SBNO2: variants seen among roughly 807,000 people sequenced by gnomAD.
SBNO2 encodes the protein protein strawberry notch homolog 2.
A neutral mutation model predicts 146.3 loss-of-function variants in SBNO2; 89 were observed. That is an observed-to-expected ratio of 0.61 (90% CI 0.51 to 0.73). The LOEUF is 0.73. Among genes scored for constraint, SBNO2 ranks in the 30% least tolerant of loss-of-function variants. SBNO2 has a pLI of 0.00. For synonymous variants in SBNO2, 1,147 were observed against 892.6 expected (o/e 1.29, Z -5.08); for missense variants, 2,092 against 2,003.7 (o/e 1.04, Z -0.84).
At chr19:1,171,668 G>A (rs2080479149) in intron 1 of SBNO2, among the ~76,000 whole-genome samples, 1 of 152,152 alleles carries the variant, frequency 6.6e-6, no homozygotes, top group South Asian at 2.1e-4. Context: ...CTGCCGGAGG[G>A]GCATCCGTGA....
chr19:1,165,556 G>C (rs923328133), intron 1 of SBNO2, among the ~76,000 whole-genome samples: 1 of 151,992 alleles, frequency 6.6e-6, no homozygotes, highest in South Asian at 2.1e-4. Context: ...CTTTTAGGAA[G>C]AAACCACATC....
In SBNO2 at chr19:1,144,537, CAGAGACAGAGACATGGAG is replaced by C. The variant is rs907881107; in HGVS notation, c.279+2754_279+2771del. Among the ~76,000 whole-genome samples, 1 of 151,872 alleles carries C rather than the reference CAGAGACAGAGACATGGAG, an allele frequency of 6.6e-6. No individual in the cohort carries two copies. The highest frequency in any genetic ancestry group is 2.4e-5 in the African/African-American group (1 of 41,330). ...CATGAGACAGAGATGGAGACGGAGA[CAGAGACAGAGACATGGAG>C]AGAGACAGAGACAGGGAGACAGAGA... On this transcript the variant is annotated intron_variant, in intron 4 of 31. Coordinates refer to ENST00000361757, the MANE Select transcript of SBNO2 (RefSeq NM_014963.3). The surrounding 1 kb of genome is among the most constrained non-coding windows in gnomAD (Gnocchi z 4.1).
rs186390747 is a variant in SBNO2 at position 1,157,390 on chromosome 19, G to A, written c.-126-2988C>T. ...GGAGACCCTCTGCCACGCAGCCCCG[G>A]AGACGCTCTCCCCACGCGGCCCCGG... On this transcript the variant is annotated intron_variant, in intron 1 of 31. Transcript: ENST00000361757. This position sits in a 1 kb window ranked among gnomAD's most constrained non-coding sequence, Gnocchi z 6.8. 1.4e-3 allele frequency among the ~76,000 whole-genome samples: 190 copies of A among 136,864 alleles called. 1 individual carries two copies. Among genetic ancestry groups the A allele is most frequent in the African/African-American group, 4.6e-3 (183 of 39,662 alleles). The allele number at this position is 136,864 out of a possible 152,430, so 89.8% of individuals were successfully genotyped here.
At chr19:1,149,933 A>T (rs1180205149) in intron 2 of SBNO2, among the ~76,000 whole-genome samples, 3 of 152,160 alleles carry the variant, frequency 2.0e-5, no homozygotes, top group Non-Finnish European at 4.4e-5. Flanking sequence ...CACCACCTCC[A>T]GGCCCCTCGG....
chr19:1,113,006 G>A, intron 19 of SBNO2, 57 bp from the exon 20 acceptor site: 1 of 1,504,818 alleles, frequency 6.6e-7, no homozygotes, highest in Non-Finnish European at 8.9e-7. Context: ...GCAGGAGTCT[G>A]GCCACCCGTG....
intron 2 of SBNO2, among the ~76,000 whole-genome samples, chr19:1,153,638 AG>A: frequency 6.6e-6 from 1 of 151,532 alleles, no homozygotes; most frequent in East Asian, 1.9e-4. Context: ...CCTAGATTTA[AG>A]CAATTCTCCT....
chr19:1,118,289 G>A (rs573197480), intron 14 of SBNO2, among the ~76,000 whole-genome samples: 1 of 152,164 alleles, frequency 6.6e-6, no homozygotes, highest in East Asian at 1.9e-4. Flanking sequence ...GGTGAGCCAA[G>A]ATCGTGCCAT....
intron 1 of SBNO2, chr19:1,155,195 T>C (rs1248140415): frequency 1.3e-5 from 2 of 152,336 alleles, no homozygotes; most frequent in East Asian, 3.9e-4. Context: ...CGGCGGCCAC[T>C]CCCGGCCAAG....
rs540772837 is a variant in SBNO2 at position 1,158,381 on chromosome 19, T to C, written c.-126-3979A>G. ...GACACGGAGGCCCCTAGGTGGAGCCTTGACGTGACCCCCAGAGCCAGACTC... is the reference window on the plus strand; with the variant it reads ...GACACGGAGGCCCCTAGGTGGAGCCCTGACGTGACCCCCAGAGCCAGACTC... On this transcript the variant is annotated intron_variant, in intron 1 of 31. Coordinates refer to ENST00000361757, the MANE Select transcript of SBNO2 (RefSeq NM_014963.3). This position sits in a 1 kb window ranked among gnomAD's most constrained non-coding sequence, Gnocchi z 9.9. 1.2e-3 allele frequency among the ~76,000 whole-genome samples: 176 copies of C among 152,260 alleles called. No homozygotes were observed. The highest frequency in any genetic ancestry group is 4.0e-3 in the African/African-American group (166 of 41,544).
chr19:1,164,630 GAGGAGGAGGAGGAGGAAC>G (rs2080388279), intron 1 of SBNO2, among the ~76,000 whole-genome samples: 2 of 140,618 alleles, frequency 1.4e-5, no homozygotes, highest in Admixed American at 7.1e-5. Context: ...GGAACAGGAG[GAGGAGGAGGAGGAGGAAC>G]AGGAGGAGGA....
At chr19:1,141,706 G>C (rs548141633) in intron 4 of SBNO2, among the ~76,000 whole-genome samples, 3 of 152,196 alleles carry the variant, frequency 2.0e-5, no homozygotes, top group African/African-American at 7.2e-5. Context: ...GGAACTCCCA[G>C]ACTCAAGCGA....
chr19:1,127,963 G>A (rs1033605691), intron 4 of SBNO2, among the ~76,000 whole-genome samples, 198 bp from the exon 5 acceptor site: 2 of 152,068 alleles, frequency 1.3e-5, no homozygotes, highest in African/African-American at 2.4e-5. Context: ...ACAGGTGTGC[G>A]CCACCATGCC....
At chr19:1,114,560 G>A in intron 17 of SBNO2, 138 bp from the exon 18 acceptor site, 1 of 694,024 alleles carries the variant, frequency 1.4e-6, no homozygotes, top group Admixed American at 3.5e-5. Context: ...CTCTGGGCAA[G>A]CAGCTCAGCT....
chr19:1,155,305 C>T (rs1324808210), intron 1 of SBNO2, among the ~76,000 whole-genome samples: 4 of 152,244 alleles, frequency 2.6e-5, no homozygotes, highest in Admixed American at 2.0e-4. Context: ...CTCTGCCCGG[C>T]GCTCCAGAGA....
chr19:1,120,009 C>G lies in SBNO2; in HGVS notation c.1164G>C (p.Glu388Asp). The change falls in exon 12 of 32, where the codon GAG becomes GAC. Residue 388 changes from glutamate to aspartate, a missense_variant. Physicochemically the swap from Glu to Asp is conservative, Grantham distance 45. Transcript: ENST00000361757. Reference protein sequence around the residue: ...EAFEGVIVFDECHKAKNAGST... With the variant: ...EAFEGVIVFDDCHKAKNAGST... Reference sequence around the variant, plus strand: ...AGCCGGCATTCTTGGCTTTGTGACACTCGTCGAACACGATCTGAGGCACAC... The same window carrying G: ...AGCCGGCATTCTTGGCTTTGTGACAGTCGTCGAACACGATCTGAGGCACAC... The G allele has an allele frequency of 1.3e-6, 2 of 1,551,394 alleles. No homozygotes were observed. Among genetic ancestry groups the G allele is most frequent in the Non-Finnish European group, 1.7e-6 (2 of 1,147,126 alleles).
rs757782450 is a variant in SBNO2, at chr19:1,144,116, A to G, written c.279+3193T>C. On this transcript the variant is annotated intron_variant, in intron 4 of 31. Transcript: ENST00000361757. This position sits in a 1 kb window ranked among gnomAD's most constrained non-coding sequence, Gnocchi z 4.1. ...CGCAGAACCACGCGGCCCAGCCCAC[A>G]GGCCTGGGCTGACTCATACCCGTCC... 4.6e-5 allele frequency among the ~76,000 whole-genome samples: 7 copies of G among 152,240 alleles called. No homozygotes were observed. In the South Asian group the frequency reaches 1.2e-3, roughly 27 times the overall value.
In SBNO2 at chr19:1,158,918, T is replaced by C. The variant is rs576387291; in HGVS notation, c.-126-4516A>G. On this transcript the variant is annotated intron_variant, in intron 1 of 31. Transcript: ENST00000361757. The surrounding 1 kb of genome is among the most constrained non-coding windows in gnomAD (Gnocchi z 9.9). Reference sequence around the variant, plus strand: ...ACAGCCGCGACCCCACCTGCAGCCGTGACCCCACCTGCAGCCGCGACCCCA... The same window carrying C: ...ACAGCCGCGACCCCACCTGCAGCCGCGACCCCACCTGCAGCCGCGACCCCA... Among the ~76,000 whole-genome samples the C allele has an allele frequency of 1.4e-4, 20 of 147,058 alleles. No homozygotes were observed. In the East Asian group the frequency reaches 1.8e-3, roughly 13 times the overall value.
At chr19:1,122,592 T>TGCCCCCCCCC in intron 9 of SBNO2, 34 bp from the exon 10 acceptor site, 14 of 1,455,700 alleles carry the variant, frequency 9.6e-6, no homozygotes, top group East Asian at 5.1e-5. Flanking sequence ...CGCCCACCCT[T>TGCCCCCCCCC]CCCCCTCGCC....
At chr19:1,120,083 G>T in intron 11 of SBNO2, 60 bp from the exon 12 acceptor site, 1 of 1,388,788 alleles carries the variant, frequency 7.2e-7, no homozygotes, top group Non-Finnish European at 9.9e-7. Context: ...AGGAGCCCAG[G>T]TCCTGACCAC....
Sources: allele counts gnomAD v4.1 joint callset (sites outside exome capture counted in the v4.1 genomes callset), GRCh38; gene constraint gnomAD v4.1.1; non-coding constraint Gnocchi (gnomAD v3.1); transcripts MANE v1.5; gene names NCBI Gene and HGNC (gene_info 2026-07-23, HGNC 2026-07-21).